The following INSL6 variants were observed in gnomAD, a reference collection of about 807,000 sequenced individuals.
INSL6 encodes the protein insulin like 6, also known as insulin-like peptide INSL6.
In INSL6, 16 loss-of-function variants were observed where a neutral mutation model predicts 9.4. The ratio of observed to expected loss-of-function variants is 1.70; its 90% CI spans 1.15 to 2.59. INSL6 has a LOEUF of 2.59. Ranked by LOEUF, INSL6 falls within the 30% of genes most tolerant of loss-of-function variation. The probability of loss-of-function intolerance (pLI) is 0.00; values close to 1 mark genes in which losing one functional copy is unlikely to be tolerated. For synonymous variants in INSL6, 154 were observed against 96.9 expected (o/e 1.59, Z -3.46); for missense variants, 391 against 257.3 (o/e 1.52, Z -3.56).
At chr9:5,147,665 A>AC (rs1265278623) in intron 2 of INSL6, among the ~76,000 whole-genome samples, 3 of 126,878 alleles carry the variant, frequency 2.4e-5, no homozygotes, top group African/African-American at 1.1e-4. Context: ...CAAGTTTCTT[A>AC]TTCTCTTTCT....
At chr9:5,058,405 A>C in the INSL6 span, among the ~76,000 whole-genome samples, 1 of 152,136 alleles carries the variant, frequency 6.6e-6, no homozygotes, top group East Asian at 1.9e-4. Context: ...TGCCACTTTT[A>C]AACCATCAGA....
the INSL6 span, among the ~76,000 whole-genome samples, chr9:5,062,577 A>G: frequency 1.1e-4 from 16 of 151,354 alleles, no homozygotes; most frequent in South Asian, 2.7e-3. Context: ...GTAAAACAAA[A>G]TGTGTCTGTA....
chr9:5,056,914 T>G, the INSL6 span, among the ~76,000 whole-genome samples: 3 of 152,286 alleles, frequency 2.0e-5, no homozygotes, highest in Admixed American at 1.3e-4. Context: ...GTAGGGCTAT[T>G]TAAACTCAAA....
chr9:4,998,269 G>A, the INSL6 span, among the ~76,000 whole-genome samples: 1 of 151,970 alleles, frequency 6.6e-6, no homozygotes, highest in Non-Finnish European at 1.5e-5. Flanking sequence ...TTTTGTTGTT[G>A]TTGTTGAGAT....
the INSL6 span, among the ~76,000 whole-genome samples, chr9:5,083,822 A>G: frequency 6.6e-6 from 1 of 152,178 alleles, no homozygotes; most frequent in South Asian, 2.1e-4. Context: ...CTGCTTATAG[A>G]GAAATTGGAA....
chr9:5,081,043 C>G, the INSL6 span, among the ~76,000 whole-genome samples: 7 of 151,458 alleles, frequency 4.6e-5, no homozygotes, highest in Admixed American at 2.0e-4. Context: ...CTACAGGCGC[C>G]CGCCACCACA....
At chr9:5,015,538 C>CT in the INSL6 span, among the ~76,000 whole-genome samples, 774 of 109,684 alleles carry the variant, frequency 7.1e-3, 4 homozygotes, top group Non-Finnish European at 0.012. Flanking sequence ...TTTTTCTTTT[C>CT]TTTTTTTTTT....
chr9:5,171,876 G>C (rs931693195), intron 1 of INSL6, among the ~76,000 whole-genome samples: 10 of 152,178 alleles, frequency 6.6e-5, no homozygotes, highest in African/African-American at 2.4e-4. Context: ...TCATGGATAG[G>C]AAGAATCAAT....
chr9:5,146,615 G>A lies in INSL6; in HGVS notation c.377-13023C>T, dbSNP rs534831228. On this transcript the variant is annotated intron_variant, in intron 2 of 3. Transcript: ENST00000649639. ...ACAAGGGTGGAGCACTGGTGGGGGT[G>A]AGGCTTGCTGACTCTGTGCCCACCA... is the stretch of plus-strand genomic sequence containing the variant. 3.3e-5 allele frequency among the ~76,000 whole-genome samples: 5 copies of A among 152,350 alleles called. No individual in the cohort carries two copies. In the South Asian group the frequency reaches 6.2e-4, roughly 19 times the overall value.
chr9:5,159,341 C>G (rs1169685083), downstream of INSL6, among the ~76,000 whole-genome samples: 1 of 136,330 alleles, frequency 7.3e-6, no homozygotes, highest in Non-Finnish European at 1.5e-5. Context: ...AATTAAAAGA[C>G]ACAGAGTGTC....
At chr9:4,998,072 A>G in the INSL6 span, among the ~76,000 whole-genome samples, 4 of 152,184 alleles carry the variant, frequency 2.6e-5, no homozygotes, top group African/African-American at 9.7e-5. Flanking sequence ...ATTTTTTTGA[A>G]TATCAATAGC....
chr9:5,042,807 G>A, the INSL6 span, among the ~76,000 whole-genome samples: 1 of 152,204 alleles, frequency 6.6e-6, no homozygotes, highest in Admixed American at 6.5e-5. Flanking sequence ...ACGGAGGGGT[G>A]GGGCCGCGGC....
downstream of INSL6, among the ~76,000 whole-genome samples, chr9:5,121,231 G>A (rs1261936411): frequency 6.6e-6 from 1 of 152,170 alleles, no homozygotes; most frequent in Non-Finnish European, 1.5e-5. Flanking sequence ...GATGTGATGT[G>A]TATCACAAGC....
At chr9:5,149,646 A>G (rs1298971786) in intron 2 of INSL6, among the ~76,000 whole-genome samples, 1 of 152,242 alleles carries the variant, frequency 6.6e-6, no homozygotes, top group Non-Finnish European at 1.5e-5. Context: ...TATCTTTAAA[A>G]TGACCATATT....
downstream of INSL6, among the ~76,000 whole-genome samples, chr9:5,163,346 G>T (rs956323542): frequency 6.6e-6 from 1 of 152,126 alleles, no homozygotes; most frequent in Admixed American, 6.5e-5. Flanking sequence ...AGGGTATCTT[G>T]GAGAGATTTT....
At position 5,182,958 on chromosome 9, in the gene INSL6, G is replaced by A. The variant is rs149692033; in HGVS notation, c.289+2356C>T. ...AAAAAAAGCATTTTTTAATAGCAGC[G>A]TAGCAAATTATATTTTTCTGTGTCA... On this transcript the variant is annotated intron_variant, in intron 1 of 1. Coordinates refer to ENST00000381641, the MANE Select transcript of INSL6 (RefSeq NM_007179.3). 3.0e-3 allele frequency among the ~76,000 whole-genome samples: 449 copies of A among 152,168 alleles called. 4 individuals are homozygous for A. The highest frequency in any genetic ancestry group is 9.3e-3 in the African/African-American group (388 of 41,526).
the INSL6 span, among the ~76,000 whole-genome samples, chr9:5,036,149 C>T: frequency 5.3e-5 from 8 of 151,144 alleles, no homozygotes; most frequent in African/African-American, 1.9e-4. Context: ...AAAGAGAATA[C>T]CTAGGAATCC....
the INSL6 span, among the ~76,000 whole-genome samples, chr9:5,008,173 C>G: frequency 1.3e-5 from 2 of 152,216 alleles, no homozygotes; most frequent in African/African-American, 4.8e-5. Context: ...TTTTTATAGT[C>G]TATACATAAA....
chr9:5,003,763 G>C, the INSL6 span, among the ~76,000 whole-genome samples: 2 of 152,138 alleles, frequency 1.3e-5, no homozygotes, highest in Admixed American at 6.5e-5. Flanking sequence ...CATGATTTTA[G>C]ACATGATTGT....
Sources: allele counts gnomAD v4.1 joint callset (sites outside exome capture counted in the v4.1 genomes callset), GRCh38; gene constraint gnomAD v4.1.1; transcripts MANE v1.5; gene names NCBI Gene and HGNC (gene_info 2026-07-23, HGNC 2026-07-21).